Variants in GPC5 observed in about 807,000 individuals in gnomAD.
The protein encoded by GPC5 is glypican-5.
A neutral mutation model predicts 53.9 loss-of-function variants in GPC5; 47 were observed. The observed-to-expected ratio is 0.87, with a 90% CI of 0.69 to 1.11. GPC5 has a LOEUF of 1.11. Ranked by LOEUF, GPC5 falls within the 50% of genes most tolerant of loss-of-function variation. GPC5 has a pLI of 0.00. For missense variants in GPC5, 748 were observed against 713.1 expected, an observed-to-expected ratio of 1.05 and a Z score of -0.56; for synonymous variants, 286 against 263.3, an observed-to-expected ratio of 1.09 and a Z score of -0.84.
intron 6 of GPC5, among the ~76,000 whole-genome samples, chr13:92,119,911 G>A (rs2041634856): frequency 6.6e-6 from 1 of 152,014 alleles, no homozygotes; most frequent in African/African-American, 2.4e-5. Flanking sequence ...AGAGGAAAAA[G>A]CACTGGGTCT....
At chr13:92,650,760 C>T in intron 7 of GPC5, among the ~76,000 whole-genome samples, 1 of 152,100 alleles carries the variant, frequency 6.6e-6, no homozygotes, top group East Asian at 1.9e-4. Context: ...CATTGGTATA[C>T]AGTGAAATTT....
intron 7 of GPC5, among the ~76,000 whole-genome samples, chr13:92,689,541 T>C: frequency 1.1e-5 from 1 of 90,870 alleles, no homozygotes; most frequent in Non-Finnish European, 2.2e-5. Context: ...CTGTGTCTTT[T>C]AATTGCAGAA....
At chr13:92,194,368 C>T (rs560768250) in intron 7 of GPC5, among the ~76,000 whole-genome samples, 1 of 152,270 alleles carries the variant, frequency 6.6e-6, no homozygotes, top group Non-Finnish European at 1.5e-5. Context: ...CTCATAAAAA[C>T]ACACTTGATC....
At chr13:92,046,866 C>T (rs1168439338) in intron 6 of GPC5, among the ~76,000 whole-genome samples, 5 of 152,248 alleles carry the variant, frequency 3.3e-5, no homozygotes, top group South Asian at 2.1e-4. Context: ...TGTATATTTT[C>T]GCAGGGATTA....
intron 7 of GPC5, among the ~76,000 whole-genome samples, chr13:92,662,851 G>A (rs916679014): frequency 5.9e-5 from 9 of 152,118 alleles, no homozygotes; most frequent in African/African-American, 1.7e-4. Context: ...TCACACTCTT[G>A]CCTGACTTCC....
chr13:91,611,328 A>G (rs2033542300), intron 2 of GPC5, among the ~76,000 whole-genome samples: 1 of 152,214 alleles, frequency 6.6e-6, no homozygotes, highest in African/African-American at 2.4e-5. Context: ...TATGACAACA[A>G]TGTTCTTTGC....
intron 5 of GPC5, among the ~76,000 whole-genome samples, chr13:91,817,222 CT>C (rs1407321424): frequency 6.6e-6 from 1 of 152,088 alleles, no homozygotes; most frequent in African/African-American, 2.4e-5. Context: ...AATTCGAATT[CT>C]TTTGGATTAT....
intron 6 of GPC5, among the ~76,000 whole-genome samples, chr13:92,120,683 G>A (rs1285195377): frequency 6.6e-6 from 1 of 152,138 alleles, no homozygotes; most frequent in Non-Finnish European, 1.5e-5. Context: ...TTATACATAT[G>A]TATGTATGGA....
At chr13:91,999,561 A>G (rs2040536100) in intron 6 of GPC5, among the ~76,000 whole-genome samples, 1 of 152,182 alleles carries the variant, frequency 6.6e-6, no homozygotes, top group Admixed American at 6.5e-5. Flanking sequence ...TTTCAAATAT[A>G]TTAGATACAG....
At chr13:91,451,778 C>A (rs1362731497) in intron 2 of GPC5, among the ~76,000 whole-genome samples, 1 of 151,386 alleles carries the variant, frequency 6.6e-6, no homozygotes, top group East Asian at 2.0e-4. Context: ...CCACCATGCC[C>A]AGCTAATTTT....
intron 2 of GPC5, among the ~76,000 whole-genome samples, chr13:91,644,757 T>G (rs2139513321): frequency 6.6e-6 from 1 of 152,334 alleles, no homozygotes; most frequent in South Asian, 2.1e-4. Flanking sequence ...TGTGAAATTC[T>G]TTTAAAAAAA....
intron 7 of GPC5, among the ~76,000 whole-genome samples, chr13:92,841,581 G>A (rs1878430479): frequency 6.6e-6 from 1 of 151,914 alleles, no homozygotes; most frequent in African/African-American, 2.4e-5. Flanking sequence ...TATATCATAA[G>A]AGGACATTAA....
intron 6 of GPC5, among the ~76,000 whole-genome samples, chr13:92,004,056 G>A (rs1453609553): frequency 3.3e-5 from 5 of 152,108 alleles, no homozygotes; most frequent in African/African-American, 1.2e-4. Flanking sequence ...TTTAGCTGAA[G>A]CTATTTTTCC....
chr13:91,472,400 C>G (rs1882686569), intron 2 of GPC5, among the ~76,000 whole-genome samples: 1 of 152,168 alleles, frequency 6.6e-6, no homozygotes. Context: ...CCTAATGTCT[C>G]TGTACCTTAG....
chr13:92,310,386 C>T (rs2043137621), intron 7 of GPC5, among the ~76,000 whole-genome samples: 1 of 152,108 alleles, frequency 6.6e-6, no homozygotes, highest in South Asian at 2.1e-4. Context: ...ACTCTTTCAT[C>T]ATATTACTCA....
At chr13:91,673,055 G>A (rs527704547) in intron 2 of GPC5, among the ~76,000 whole-genome samples, 1 of 151,924 alleles carries the variant, frequency 6.6e-6, no homozygotes, top group African/African-American at 2.4e-5. Context: ...ACGGGGATGG[G>A]AACAACACAC....
At chr13:92,285,643 G>C (rs1757218929) in intron 7 of GPC5, among the ~76,000 whole-genome samples, 1 of 152,156 alleles carries the variant, frequency 6.6e-6, no homozygotes, top group Non-Finnish European at 1.5e-5. Flanking sequence ...AATGGGGAAA[G>C]GATTCCCTAT....
At chr13:92,345,982 G>T (rs1458014248) in intron 7 of GPC5, among the ~76,000 whole-genome samples, 5 of 152,098 alleles carry the variant, frequency 3.3e-5, no homozygotes, top group Non-Finnish European at 7.3e-5. Context: ...TCATAAGTAA[G>T]GTAAGAAGTT....
intron 2 of GPC5, among the ~76,000 whole-genome samples, chr13:91,518,187 T>C (rs1313921904): frequency 6.6e-6 from 1 of 152,194 alleles, no homozygotes; most frequent in Non-Finnish European, 1.5e-5. Context: ...CAATTAGATA[T>C]CAAGTAGCAT....
Sources: gnomAD v4.1 joint callset for allele counts (sites outside exome capture counted in the v4.1 genomes callset) on GRCh38, gnomAD v4.1.1 for gene constraint, MANE v1.5 for transcripts, NCBI Gene and HGNC (gene_info 2026-07-23, HGNC 2026-07-21) for gene names.